MAGI2: variants seen among roughly 807,000 people sequenced by gnomAD.
MAGI2 encodes the protein membrane associated guanylate kinase, WW and PDZ domain containing 2, also known as membrane-associated guanylate kinase, WW and PDZ domain-containing protein 2.
In MAGI2, 35 loss-of-function variants were observed where a neutral mutation model predicts 133.3. The observed-to-expected ratio is 0.26, with a 90% CI of 0.20 to 0.35. The LOEUF is 0.35. Among genes scored for constraint, MAGI2 ranks in the 10% least tolerant of loss-of-function variants. MAGI2 has a pLI of 1.00. For missense variants in MAGI2, 1,636 were observed against 1,863.4 expected (o/e 0.88, Z 2.25); for synonymous variants, 729 against 710.6 (o/e 1.03, Z -0.41).
At chr7:78,555,170 A>AAATG (rs373305724) in intron 3 of MAGI2, among the ~76,000 whole-genome samples, 133 of 66,192 alleles carry the variant, frequency 2.0e-3, no homozygotes, top group African/African-American at 3.7e-3. Flanking sequence ...ATAAATAAAT[A>AAATG]AATGAATGAT....
chr7:78,472,443 ACT>A (rs72403514), intron 6 of MAGI2, among the ~76,000 whole-genome samples: 4,567 of 152,114 alleles, frequency 0.03, 214 homozygotes, highest in African/African-American at 0.1. Context: ...AGAAAGTTAC[ACT>A]CTGTTTTCCC....
intron 5 of MAGI2, among the ~76,000 whole-genome samples, 182 bp downstream of exon 5, chr7:78,501,395 T>C (rs1181132255): frequency 6.6e-6 from 1 of 152,170 alleles, no homozygotes; most frequent in Non-Finnish European, 1.5e-5. Context: ...GATTTATAGC[T>C]GTATTCTAGG....
intron 1 of MAGI2, among the ~76,000 whole-genome samples, chr7:79,053,586 A>C (rs1354019724): frequency 2.0e-5 from 3 of 152,180 alleles, no homozygotes; most frequent in Non-Finnish European, 4.4e-5. Context: ...AATAAAATAC[A>C]CTAATATGGA....
intron 20 of MAGI2, among the ~76,000 whole-genome samples, chr7:78,098,054 TAC>T (rs1232110846): frequency 6.6e-6 from 1 of 152,264 alleles, no homozygotes; most frequent in East Asian, 1.9e-4. Flanking sequence ...TTAAAAATAT[TAC>T]AGAGTTGAGA....
Position 78,521,521 on chromosome 7 carries a change from C to A in MAGI2, c.663G>T (p.Val221=). 1 of 1,614,122 alleles carries A rather than the reference C, an allele frequency of 6.2e-7. No homozygotes were observed. The stretch of plus-strand genomic sequence containing the variant: ...CTATACTGGCTTTCTCCATGTTGCT[C>A]ACTGATTTATTCCTCTTCCGTTTTC... ...AEGKRKRNKS[V]SNMEKASIEP... The change falls in exon 4 of 22, where the codon GTG becomes GTT. Residue 221 remains valine, a synonymous_variant. Transcript: ENST00000354212.
At chr7:78,561,922 A>G (rs1800449344) in intron 3 of MAGI2, among the ~76,000 whole-genome samples, 1 of 151,994 alleles carries the variant, frequency 6.6e-6, no homozygotes, top group African/African-American at 2.4e-5. Flanking sequence ...CTGATAGAAA[A>G]CCACAAGGAG....
chr7:78,318,399 T>C (rs540928783), intron 9 of MAGI2, among the ~76,000 whole-genome samples: 9 of 151,986 alleles, frequency 5.9e-5, no homozygotes, highest in Non-Finnish European at 1.0e-4. Context: ...CTCAATGAAA[T>C]AAAGCGAGAA....
intron 21 of MAGI2, among the ~76,000 whole-genome samples, chr7:78,021,606 C>T (rs1336114066): frequency 6.6e-6 from 1 of 152,214 alleles, no homozygotes; most frequent in African/African-American, 2.4e-5. Context: ...TTCTGGCCAT[C>T]TTTAGAATGG....
At chr7:78,571,172 T>C (rs190856866) in intron 3 of MAGI2, among the ~76,000 whole-genome samples, 4 of 152,290 alleles carry the variant, frequency 2.6e-5, no homozygotes, top group Admixed American at 2.0e-4. Flanking sequence ...TTCTCCAACA[T>C]GCAAATTATA....
At chr7:79,147,930 T>A (rs1315977711) in intron 1 of MAGI2, among the ~76,000 whole-genome samples, 1 of 152,152 alleles carries the variant, frequency 6.6e-6, no homozygotes, top group African/African-American at 2.4e-5. Context: ...CTTTAAGGTA[T>A]CGTATCCACT....
At chr7:79,251,743 C>T (rs1833289586) in intron 1 of MAGI2, among the ~76,000 whole-genome samples, 2 of 152,064 alleles carry the variant, frequency 1.3e-5, no homozygotes, top group African/African-American at 4.8e-5. Context: ...GGTATACACC[C>T]AAAGGAAAGG....
chr7:78,573,273 AATAT>A lies in MAGI2; in HGVS notation c.539-51632_539-51629del, dbSNP rs369851566. ...ATATATATAAATATAAATATATATA[AATAT>A]ATATATTTATATAAATATATATATT... is the stretch of plus-strand genomic sequence containing the variant. On this transcript the variant is annotated intron_variant, in intron 3 of 21. Transcript: ENST00000354212. Among the ~76,000 whole-genome samples the A allele has an allele frequency of 5.8e-5, 3 of 51,682 alleles. No homozygotes were observed. The East Asian group carries it at 2.5e-3, about 43-fold the overall frequency. The allele number at this position is 51,682 out of a possible 152,430, so 33.9% of individuals were successfully genotyped here.
intron 10 of MAGI2, among the ~76,000 whole-genome samples, chr7:78,235,615 G>A (rs979543122): frequency 6.6e-5 from 10 of 152,050 alleles, no homozygotes; most frequent in East Asian, 1.9e-4. Context: ...GTTTGCTCCC[G>A]CTTCTGCCAT....
intron 6 of MAGI2, among the ~76,000 whole-genome samples, chr7:78,399,896 G>A (rs968205040): frequency 1.7e-4 from 25 of 149,344 alleles, no homozygotes; most frequent in Admixed American, 6.7e-5. Context: ...GATCAGTGAA[G>A]CAAATGTTTA....
At chr7:78,203,931 T>G (rs1411229719) in intron 10 of MAGI2, among the ~76,000 whole-genome samples, 2 of 152,202 alleles carry the variant, frequency 1.3e-5, no homozygotes, top group Non-Finnish European at 2.9e-5. Context: ...ATTTCTTACT[T>G]TTTTTGTGGG....
intron 9 of MAGI2, among the ~76,000 whole-genome samples, chr7:78,342,443 G>T (rs1790485194): frequency 6.6e-6 from 1 of 152,142 alleles, no homozygotes; most frequent in Non-Finnish European, 1.5e-5. Context: ...ATTTGACCTA[G>T]CAATCCCATT....
chr7:78,352,248 CA>C (rs1235469432), intron 7 of MAGI2, among the ~76,000 whole-genome samples: 1 of 151,876 alleles, frequency 6.6e-6, no homozygotes, highest in Non-Finnish European at 1.5e-5. Context: ...AAAACAGGGA[CA>C]AAAAAGAATT....
intron 1 of MAGI2, among the ~76,000 whole-genome samples, chr7:79,066,697 G>A (rs1814373047): frequency 6.6e-6 from 1 of 152,096 alleles, no homozygotes; most frequent in South Asian, 2.1e-4. Flanking sequence ...TGTATGTCCT[G>A]AATGGTATTG....
intron 1 of MAGI2, among the ~76,000 whole-genome samples, chr7:79,034,826 A>AGGACAATC (rs1810961730): frequency 6.6e-6 from 1 of 152,156 alleles, no homozygotes; most frequent in Non-Finnish European, 1.5e-5. Context: ...TCAAATACAA[A>AGGACAATC]GGACAATAAT....
Sources: gnomAD v4.1 joint callset for allele counts (sites outside exome capture counted in the v4.1 genomes callset) on GRCh38, gnomAD v4.1.1 for gene constraint, MANE v1.5 for transcripts, NCBI Gene and HGNC (gene_info 2026-07-23, HGNC 2026-07-21) for gene names.